The following ITGB8 variants were observed in gnomAD, a reference collection of about 807,000 sequenced individuals.
The protein encoded by ITGB8 is integrin beta-8.
Under a neutral mutation model 89.5 loss-of-function variants are expected in ITGB8, and 30 were observed. That is an observed-to-expected ratio of 0.34 (90% CI 0.25 to 0.45). The LOEUF is 0.45. Among genes scored for constraint, ITGB8 ranks in the 20% least tolerant of loss-of-function variants. The pLI is 1.00. For missense variants in ITGB8, 836 were observed against 933.3 expected, an observed-to-expected ratio of 0.90 and a Z score of 1.36; for synonymous variants, 335 against 320.4, an observed-to-expected ratio of 1.05 and a Z score of -0.49.
intron 1 of ITGB8, among the ~76,000 whole-genome samples, chr7:20,351,851 T>C (rs941445905): frequency 1.3e-5 from 2 of 150,420 alleles, no homozygotes; most frequent in African/African-American, 4.9e-5. Flanking sequence ...TCCTTAACCA[T>C]GGCATTTGAA....
At chr7:20,335,073 C>A (rs116784207) in intron 1 of ITGB8, among the ~76,000 whole-genome samples, 1,654 of 152,312 alleles carry the variant, frequency 0.011, 25 homozygotes, top group African/African-American at 0.037. Context: ...TGTGCTCCTG[C>A]TGGTACCCAA....
intron 6 of ITGB8, among the ~76,000 whole-genome samples, chr7:20,386,652 T>C (rs905239558): frequency 6.6e-6 from 1 of 152,022 alleles, no homozygotes; most frequent in Non-Finnish European, 1.5e-5. Flanking sequence ...CTGCAAACAA[T>C]ATTTAGTAGG....
In ITGB8 at chr7:20,335,297, A is replaced by G. The variant is rs548479374; in HGVS notation, c.127+3364A>G. ...AAAAGAGAAGGACACGAGGAATGGG[A>G]AAGACACAGTTTCAACCATTTACTT... On this transcript the variant is annotated intron_variant, in intron 1 of 13. Transcript: ENST00000222573. Among the ~76,000 whole-genome samples, 7 of 152,368 alleles carry G rather than the reference A, an allele frequency of 4.6e-5. 1 individual carries two copies. The highest frequency in any genetic ancestry group is 1.7e-4 in the African/African-American group (7 of 41,592).
upstream of ITGB8, chr7:20,330,810 T>C (rs540392552): frequency 6.6e-6 from 1 of 152,168 alleles, no homozygotes; most frequent in South Asian, 2.1e-4. Flanking sequence ...TACCCGCAGG[T>C]CTGGAGCCCC....
chr7:20,330,278 GAGCTCCTAACTGCA>G (rs1274749562), upstream of ITGB8, among the ~76,000 whole-genome samples: 1 of 152,234 alleles, frequency 6.6e-6, no homozygotes, highest in African/African-American at 2.4e-5. Flanking sequence ...GGTAGAGGAC[GAGCTCCTAACTGCA>G]AGCAAAGTGC....
At chr7:20,389,109 T>C (rs188200330) in intron 6 of ITGB8, among the ~76,000 whole-genome samples, 8 of 152,304 alleles carry the variant, frequency 5.3e-5, no homozygotes. Context: ...GTCTTTATAG[T>C]AGAATGATAT....
rs564252262 is a variant in ITGB8 at position 20,342,252 on chromosome 7, C to A, written c.127+10319C>A. ...CAGAGGACCCACTAACTGGTCAGTC[C>A]ACTTGAGGATCTTTGTTAGGGCTCT... is the stretch of plus-strand genomic sequence containing the variant. On this transcript the variant is annotated intron_variant, in intron 1 of 13. Transcript: ENST00000222573. 9.1e-4 allele frequency among the ~76,000 whole-genome samples: 139 copies of A among 152,266 alleles called. 1 individual carries two copies. The highest frequency in any genetic ancestry group is 1.3e-3 in the Non-Finnish European group (91 of 68,010).
At chr7:20,381,562 G>A (rs1562684314) in intron 5 of ITGB8, 165 bp from the exon 6 acceptor site, 1 of 539,072 alleles carries the variant, frequency 1.9e-6, no homozygotes, top group Non-Finnish European at 3.2e-6. Flanking sequence ...AATAGAGGAT[G>A]TACAAATAAA....
At chr7:20,363,314 A>G (rs551912990) in intron 1 of ITGB8, among the ~76,000 whole-genome samples, 1 of 152,320 alleles carries the variant, frequency 6.6e-6, no homozygotes, top group East Asian at 1.9e-4. Flanking sequence ...AACTTTCTAA[A>G]AAATGTGGAA....
intron 7 of ITGB8, among the ~76,000 whole-genome samples, chr7:20,392,422 C>A (rs571609411): frequency 3.9e-5 from 6 of 152,216 alleles, no homozygotes; most frequent in Admixed American, 2.6e-4. Flanking sequence ...TTGCCACAAG[C>A]TGGTGTTCCC....
chr7:20,370,759 T>A (rs1360410250), intron 3 of ITGB8, among the ~76,000 whole-genome samples: 1 of 152,088 alleles, frequency 6.6e-6, no homozygotes, highest in African/African-American at 2.4e-5. Context: ...TACAGGAGCC[T>A]GCCACCATGC....
Position 20,367,181 on chromosome 7 carries a change from G to A in ITGB8, c.383G>A (p.Arg128His), listed in dbSNP as rs139414321. Residue 128 changes from arginine (R) to histidine (H), a missense_variant, in exon 3 of 14, where the codon CGT (arginine) becomes CAT (histidine). Transcript: ENST00000222573. The stretch of plus-strand genomic sequence containing the variant: ...CCAGGAGAAGTGTCTATCCAGCTGC[G>A]TCCAGGTTTGGTCATTTTCAAATAA... ...VTPGEVSIQL[R>H]PGAEANFMLK... 59 of 1,600,448 alleles carry A rather than the reference G, an allele frequency of 3.7e-5. No homozygotes were observed. Among genetic ancestry groups the A allele is most frequent in the Admixed American group, 1.4e-4 (8 of 57,300 alleles).
Position 20,401,927 on chromosome 7 carries a change from G to A in ITGB8, c.1488G>A (p.Glu496=). The stretch of plus-strand genomic sequence containing the variant: ...ATTCCAAGTGTTTCCAGTGTGATGA[G>A]AATAAATGTCATTTTGATGAAGATC... ...FLDSKCFQCD[E]NKCHFDEDQF... The change falls in exon 10 of 14, where the codon GAG becomes GAA. Residue 496 remains glutamate, a synonymous_variant. Transcript: ENST00000222573. 1 of 1,614,134 alleles carries A rather than the reference G, an allele frequency of 6.2e-7. No individual in the cohort carries two copies. The highest frequency in any genetic ancestry group is 1.6e-4 in the Middle Eastern group (1 of 6,062).
At position 20,389,765 on chromosome 7, in the gene ITGB8, A is replaced by G. The variant is rs764810791; in HGVS notation, c.961-1638A>G. On this transcript the variant is annotated intron_variant, in intron 6 of 13. Transcript: ENST00000222573. ...ACTAGCATTATGCAAACTGTCATCAATCTATTTTAAGATTATGCCTTTCAT... is the reference window on the plus strand; with the variant it reads ...ACTAGCATTATGCAAACTGTCATCAGTCTATTTTAAGATTATGCCTTTCAT... 2.0e-5 allele frequency among the ~76,000 whole-genome samples: 3 copies of G among 151,792 alleles called. No individual in the cohort carries two copies. In the East Asian group the frequency reaches 5.8e-4, roughly 29 times the overall value.
At chr7:20,341,780 A>C (rs1383856797) in intron 1 of ITGB8, among the ~76,000 whole-genome samples, 1 of 151,802 alleles carries the variant, frequency 6.6e-6, no homozygotes, top group African/African-American at 2.4e-5. Flanking sequence ...CTGAGGTTGG[A>C]TTATCTGGTT....
chr7:20,363,730 A>ATT lies in ITGB8; in HGVS notation c.213+18_213+19dup, dbSNP rs35420999. 30 of 1,294,042 alleles carry ATT rather than the reference A, an allele frequency of 2.3e-5. No homozygotes were observed. The highest frequency in any genetic ancestry group is 9.0e-5 in the African/African-American group (6 of 66,322). 80.2% of individuals were successfully genotyped at this position (1,294,042 alleles called of 1,614,324 possible). ...GGATGGTGTGTTCAAGAGGTGTGCCATTTTTTTTTTTCTTTTTCTCATGGT... is the reference window on the plus strand; with the variant it reads ...GGATGGTGTGTTCAAGAGGTGTGCCATTTTTTTTTTTTTCTTTTTCTCATGGT... On this transcript the variant is annotated intron_variant, in intron 2 of 13. Coordinates refer to ENST00000222573, the MANE Select transcript of ITGB8 (RefSeq NM_002214.3).
chr7:20,392,319 AGTG>A (rs1786894569), intron 7 of ITGB8, among the ~76,000 whole-genome samples: 1 of 152,070 alleles, frequency 6.6e-6, no homozygotes, highest in African/African-American at 2.4e-5. Context: ...ATTTCCCCTC[AGTG>A]GCCAGTCCCC....
chr7:20,407,322 T>C (rs1240700955), intron 12 of ITGB8, among the ~76,000 whole-genome samples: 3 of 151,252 alleles, frequency 2.0e-5, no homozygotes, highest in African/African-American at 2.4e-5. Flanking sequence ...TTTTTGTATA[T>C]CAATGATACT....
intron 1 of ITGB8, among the ~76,000 whole-genome samples, chr7:20,362,335 G>C (rs1785535722): frequency 6.6e-6 from 1 of 152,078 alleles, no homozygotes; most frequent in African/African-American, 2.4e-5. Flanking sequence ...TGTGTGATTG[G>C]GCACATACAC....
Sources: gnomAD v4.1 joint callset for allele counts (sites outside exome capture counted in the v4.1 genomes callset) on GRCh38, gnomAD v4.1.1 for gene constraint, MANE v1.5 for transcripts, NCBI Gene and HGNC (gene_info 2026-07-23, HGNC 2026-07-21) for gene names.